The following ZP1 variants were observed in gnomAD, a reference collection of about 807,000 sequenced individuals.
ZP1 encodes zona pellucida sperm-binding protein 1.
ZP1 carries 58 observed loss-of-function variants against 67.4 expected under a neutral mutation model. That is an observed-to-expected ratio of 0.86 (90% CI 0.70 to 1.07). The LOEUF (loss-of-function observed/expected upper bound fraction) is 1.07. Ranked by LOEUF, ZP1 falls within the 50% of genes least tolerant of loss-of-function variation. ZP1 has a pLI of 0.00. For missense variants in ZP1, 759 were observed against 807.3 expected (o/e 0.94, Z 0.72); for synonymous variants, 333 against 332.7 (o/e 1.00, Z -0.01).
rs540659783 is a variant in ZP1, at chr11:60,869,542, G to C, written c.324G>C (p.Gly108=). 1.2e-6 allele frequency: 2 copies of C among 1,602,294 alleles called. No homozygotes were observed. The highest frequency in any genetic ancestry group is 2.2e-5 in the South Asian group (2 of 89,852). The change falls in exon 3 of 12, where the codon GGG becomes GGC. Residue 108 remains glycine, a synonymous_variant. Transcript: ENST00000278853. ...YRGCHVLEKD[G]RFHLRVFMEA... ...TGATGGCCTCTCACCTGCAGGATGG[G>C]CGTTTCCACCTGAGGGTGTTCATGG...
chr11:60,870,661 C>A, intron 4 of ZP1, 186 bp downstream of exon 4: 1 of 746,094 alleles, frequency 1.3e-6, no homozygotes, highest in Non-Finnish European at 2.1e-6. Flanking sequence ...TAACAACTGT[C>A]CCAGGGAACT....
At chr11:60,872,220 A>G (rs1373085526) in intron 6 of ZP1, among the ~76,000 whole-genome samples, 2 of 152,198 alleles carry the variant, frequency 1.3e-5, no homozygotes, top group African/African-American at 4.8e-5. Flanking sequence ...TTAATTTAAA[A>G]AAACCCATAT....
rs1476013936 is a variant in ZP1, at chr11:60,870,326, C to A, written c.683-6C>A. 6.3e-7 allele frequency: 1 copy of A among 1,592,332 alleles called. No homozygotes were observed. ...CTTCAGCCTCATCACTCTGTCCCAA[C>A]CCTAGGTACCCACCTGAGCCAGGAG... On this transcript the variant is annotated splice_polypyrimidine_tract_variant and splice_region_variant and intron_variant, in intron 3 of 11. Coordinates refer to ENST00000278853, the MANE Select transcript of ZP1 (RefSeq NM_207341.4).
Position 60,870,922 on chromosome 11 carries a change from C to T in ZP1, c.827-35C>T, listed in dbSNP as rs771602133. The T allele has an allele frequency of 1.9e-6, 3 of 1,589,442 alleles. No individual in the cohort carries two copies. In the South Asian group the frequency reaches 3.5e-5, roughly 18 times the overall value. ...ATCCCGTCTCTGTGCTGGATGGACA[C>T]CAAACCCCAAGGCCCTCATCTGCCT... On this transcript the variant is annotated intron_variant, in intron 4 of 11. Coordinates refer to ENST00000278853, the MANE Select transcript of ZP1 (RefSeq NM_207341.4).
rs775299112 is a variant in ZP1 at position 60,869,833 on chromosome 11, C to T, written c.615C>T (p.Leu205=). 112 of 1,606,858 alleles carry T rather than the reference C, an allele frequency of 7.0e-5. No homozygotes were observed. The highest frequency in any genetic ancestry group is 7.8e-5 in the Non-Finnish European group (92 of 1,176,190). Residue 205 remains leucine, a synonymous_variant, in exon 3 of 12, where the codon CTC becomes CTT. Coordinates refer to ENST00000278853, the MANE Select transcript of ZP1 (RefSeq NM_207341.4). ...CATCCCCTGGACCTGGACCTACCCT[C>T]GCCACCCTGGCTCAACCCCACTGGG... is the stretch of plus-strand genomic sequence containing the variant. The part of the protein sequence containing the change: ...ALPSPGPGPT[L]ATLAQPHWGT...
At chr11:60,872,596 G>C (rs183995769) in intron 6 of ZP1, among the ~76,000 whole-genome samples, 7 of 152,158 alleles carry the variant, frequency 4.6e-5, no homozygotes, top group Admixed American at 4.6e-4. Flanking sequence ...GCAACTACAA[G>C]GACAATGAAG....
In ZP1 at chr11:60,870,375, C is replaced by G. The variant is rs764650449; in HGVS notation, c.726C>G (p.His242Gln). 5 of 1,612,616 alleles carry G rather than the reference C, an allele frequency of 3.1e-6. No individual in the cohort carries two copies. The African/African-American group carries it at 6.7e-5, about 22-fold the overall frequency. The change falls in exon 4 of 12, where the codon CAC becomes CAG. Residue 242 changes from histidine to glutamine, a missense_variant. Physicochemically the swap from His to Gln is conservative, Grantham distance 24 (BLOSUM62 0). Coordinates refer to ENST00000278853, the MANE Select transcript of ZP1 (RefSeq NM_207341.4). Reference sequence around the variant, plus strand: ...AGCAGTGCCAGGTGGCCTCAGGGCACCTCCCCTGCATCGTGAGAAGAACTT... The same window carrying G: ...AGCAGTGCCAGGTGGCCTCAGGGCAGCTCCCCTGCATCGTGAGAAGAACTT... ...SQEQCQVASG[H>Q]LPCIVRRTSK...
At chr11:60,870,684 AC>A (rs778727284) in intron 4 of ZP1, 46 of 690,722 alleles carry the variant, frequency 6.7e-5, no homozygotes, top group Non-Finnish European at 9.7e-5. Flanking sequence ...TAATAGATCT[AC>A]CTTACACACA....
chr11:60,873,256 G>C lies in ZP1; in HGVS notation c.1207G>C (p.Gly403Arg). The C allele has an allele frequency of 6.3e-7, 1 of 1,592,552 alleles. No individual in the cohort carries two copies. The highest frequency in any genetic ancestry group is 8.6e-7 in the Non-Finnish European group (1 of 1,167,558). ...ATCGCCTGCTCCTATGACCCAGCCC[G>C]GCCCCCTGCGGCTTGAGCTGCGGAT... is the stretch of plus-strand genomic sequence containing the variant. ...PPSPAPMTQP[G>R]PLRLELRIAK... The change falls in exon 7 of 12, where the codon GGC becomes CGC. Residue 403 changes from glycine (G) to arginine (R), a missense_variant. Transcript: ENST00000278853.
intron 9 of ZP1, among the ~76,000 whole-genome samples, 190 bp downstream of exon 9, chr11:60,873,965 G>C (rs1330135584): frequency 6.6e-6 from 1 of 152,210 alleles, no homozygotes; most frequent in Non-Finnish European, 1.5e-5. Context: ...CCACCAGGAG[G>C]AAGGAAAATG....
chr11:60,874,622 G>C (rs775113381), intron 9 of ZP1, among the ~76,000 whole-genome samples: 3 of 152,240 alleles, frequency 2.0e-5, no homozygotes, highest in Non-Finnish European at 4.4e-5. Flanking sequence ...GGCAGCATTG[G>C]TGAAGCAGGC....
chr11:60,875,219 A>G lies in ZP1; in HGVS notation c.1745A>G (p.Tyr582Cys). The change falls in exon 11 of 12, where the codon TAT becomes TGT. Residue 582 changes from tyrosine to cysteine, a missense_variant. Tyr to Cys is a radical substitution (Grantham distance 194). Transcript: ENST00000278853. ...GGGCCAGTGGGCTTTGAGGATTCTT[A>G]TGGGCAGGAGCCCACACTTGGGCCC... ...SPGPVGFEDS[Y>C]GQEPTLGPTD... The G allele has an allele frequency of 6.2e-7, 1 of 1,613,292 alleles. No individual in the cohort carries two copies. The highest frequency in any genetic ancestry group is 8.5e-7 in the Non-Finnish European group (1 of 1,180,012).
intron 9 of ZP1, 22 bp downstream of exon 9, chr11:60,873,797 A>T (rs1441977242): frequency 6.2e-7 from 1 of 1,612,152 alleles, no homozygotes; most frequent in East Asian, 2.2e-5. Context: ...CGGCTGCCGC[A>T]TGCCTGGTCC....
chr11:60,870,850 C>G (rs1292642859), intron 4 of ZP1, 107 bp from the exon 5 acceptor site: 5 of 1,246,932 alleles, frequency 4.0e-6, no homozygotes, highest in African/African-American at 3.0e-5. Context: ...GGAGAGTAAG[C>G]GTCCATTCTC....
At chr11:60,868,925 C>A (rs1247508201) in intron 1 of ZP1, among the ~76,000 whole-genome samples, 1 of 152,202 alleles carries the variant, frequency 6.6e-6, no homozygotes, top group Non-Finnish European at 1.5e-5. Context: ...GCAGGGAACC[C>A]TAGCTAGAAA....
At chr11:60,868,251 T>A (rs1855505725) in intron 1 of ZP1, among the ~76,000 whole-genome samples, 1 of 152,154 alleles carries the variant, frequency 6.6e-6, no homozygotes, top group South Asian at 2.1e-4. Context: ...TTCACGATAT[T>A]GGTCAGGCTG....
rs145811284 is a variant in ZP1, at chr11:60,873,527, C to G, written c.1393C>G (p.Pro465Ala). 3.0e-5 allele frequency: 49 copies of G among 1,612,826 alleles called. No individual in the cohort carries two copies. The highest frequency in any genetic ancestry group is 4.1e-5 in the Non-Finnish European group (48 of 1,179,198). Reference protein sequence around the residue: ...HQCWGAPSANPFQQPQWPILS... With the variant: ...HQCWGAPSANAFQQPQWPILS... ...GTGCTGGGGCGCTCCCAGTGCCAACCCCTTCCAGCAGCCCCAGTGGCCCAT... is the reference window on the plus strand; with the variant it reads ...GTGCTGGGGCGCTCCCAGTGCCAACGCCTTCCAGCAGCCCCAGTGGCCCAT... The change falls in exon 8 of 12, where the codon CCC becomes GCC. Residue 465 changes from proline (P) to alanine (A), a missense_variant. Pro to Ala is a conservative substitution (Grantham distance 27). Coordinates refer to ENST00000278853, the MANE Select transcript of ZP1 (RefSeq NM_207341.4).
intron 6 of ZP1, 108 bp from the exon 7 acceptor site, chr11:60,873,054 G>A: frequency 7.7e-7 from 1 of 1,296,436 alleles, no homozygotes; most frequent in Non-Finnish European, 1.1e-6. Context: ...TGCCCTGCTG[G>A]ACAGTACCCT....
intron 6 of ZP1, among the ~76,000 whole-genome samples, chr11:60,871,626 G>A (rs1325000924): frequency 6.6e-6 from 1 of 152,226 alleles, no homozygotes; most frequent in Non-Finnish European, 1.5e-5. Context: ...GTCTCTCCAA[G>A]AACCAAGCTC....
Sources: gnomAD v4.1 joint callset for allele counts (sites outside exome capture counted in the v4.1 genomes callset) on GRCh38, gnomAD v4.1.1 for gene constraint, MANE v1.5 for transcripts, NCBI Gene and HGNC (gene_info 2026-07-23, HGNC 2026-07-21) for gene names.